TMTC4: variants seen among roughly 807,000 people sequenced by gnomAD.
TMTC4 encodes protein O-mannosyl-transferase TMTC4.
TMTC4 carries 65 observed loss-of-function variants against 86.0 expected under a neutral mutation model. The observed-to-expected ratio is 0.76, with a 90% CI of 0.62 to 0.93. The LOEUF is 0.93. Among genes scored for constraint, TMTC4 ranks in the 40% least tolerant of loss-of-function variants. The probability of loss-of-function intolerance (pLI) is 0.00; values close to 1 mark genes in which losing one functional copy is unlikely to be tolerated. For missense variants in TMTC4, 866 were observed against 948.1 expected, an observed-to-expected ratio of 0.91 and a Z score of 1.14; for synonymous variants, 379 against 382.5, an observed-to-expected ratio of 0.99 and a Z score of 0.11.
At position 100,612,476 on chromosome 13, in the gene TMTC4, C is replaced by T. The variant is rs376826499; in HGVS notation, c.1986G>A (p.Glu662=). The change falls in exon 17 of 19, where the codon GAG becomes GAA. Residue 662 remains glutamate, a synonymous_variant. Transcript: ENST00000342624. ...NLAQAEAVGR[E]ALELIPNDHS... is the part of the protein sequence containing the mutation. Reference sequence around the variant, plus strand: ...GATCATTAGGTATTAATTCCAGTGCCTCTCTTCCAACTGCTTCAGCTTGGG... The same window carrying T: ...GATCATTAGGTATTAATTCCAGTGCTTCTCTTCCAACTGCTTCAGCTTGGG... 9 of 1,611,724 alleles carry T rather than the reference C, an allele frequency of 5.6e-6. No homozygotes were observed. Among genetic ancestry groups the T allele is most frequent in the Non-Finnish European group, 6.8e-6 (8 of 1,179,298 alleles).
intron 12 of TMTC4, among the ~76,000 whole-genome samples, chr13:100,632,961 A>G (rs1024857504): frequency 6.6e-6 from 1 of 152,126 alleles, no homozygotes; most frequent in Non-Finnish European, 1.5e-5. Flanking sequence ...CCCCATTTTG[A>G]GCAAATAGCG....
chr13:100,674,591 C>T, intron 1 of TMTC4, 153 bp downstream of exon 1: 1 of 982,570 alleles, frequency 1.0e-6, no homozygotes, highest in Admixed American at 6.2e-5. Context: ...CAGCTCAGGT[C>T]CCGGAACCAA....
intron 5 of TMTC4, among the ~76,000 whole-genome samples, chr13:100,658,247 TG>T (rs1885343055): frequency 6.6e-6 from 1 of 151,692 alleles, no homozygotes; most frequent in African/African-American, 2.4e-5. Flanking sequence ...GTGGGTCCTA[TG>T]GGGTATGTCT....
chr13:100,673,964 C>T (rs1213210088), intron 1 of TMTC4: 4 of 922,522 alleles, frequency 4.3e-6, no homozygotes, highest in Non-Finnish European at 5.2e-6. Flanking sequence ...TGTGGGATGA[C>T]TCATAGTGGC....
At chr13:100,639,070 C>A (rs1307284000) in intron 7 of TMTC4, among the ~76,000 whole-genome samples, 1 of 152,198 alleles carries the variant, frequency 6.6e-6, no homozygotes, top group East Asian at 1.9e-4. Context: ...CGACAGAACT[C>A]CCTGCCCAAT....
At chr13:100,609,779 T>G (rs2153022046) in intron 17 of TMTC4, among the ~76,000 whole-genome samples, 2 of 152,170 alleles carry the variant, frequency 1.3e-5, no homozygotes. Flanking sequence ...TGTATCACCT[T>G]GTCAAGAGGG....
intron 12 of TMTC4, among the ~76,000 whole-genome samples, chr13:100,628,674 G>A (rs1168225750): frequency 1.3e-5 from 2 of 152,110 alleles, no homozygotes; most frequent in Non-Finnish European, 2.9e-5. Flanking sequence ...ATAGAATGGG[G>A]CTCCCAGCTG....
At chr13:100,673,936 C>A (rs372905888) in intron 1 of TMTC4, 1 of 748,576 alleles carries the variant, frequency 1.3e-6, no homozygotes, top group Non-Finnish European at 1.6e-6. Flanking sequence ...TATTTGCTCT[C>A]CCGGGGAAAG....
intron 6 of TMTC4, among the ~76,000 whole-genome samples, chr13:100,654,098 C>A (rs888156673): frequency 6.6e-6 from 1 of 152,166 alleles, no homozygotes; most frequent in African/African-American, 2.4e-5. Flanking sequence ...GACAAGAGGT[C>A]AACAGAAAGC....
intron 4 of TMTC4, among the ~76,000 whole-genome samples, chr13:100,663,583 C>T (rs979634352): frequency 6.6e-6 from 1 of 152,142 alleles, no homozygotes; most frequent in Admixed American, 6.5e-5. Context: ...ACTTGCTTAT[C>T]CTCCAAAAAA....
chr13:100,645,962 T>C (rs2138936474), intron 6 of TMTC4, among the ~76,000 whole-genome samples: 1 of 152,188 alleles, frequency 6.6e-6, no homozygotes, highest in Middle Eastern at 3.4e-3. Context: ...TCACAGATAT[T>C]GCCGGATGTC....
chr13:100,634,155 AG>A (rs1881854008), intron 12 of TMTC4, among the ~76,000 whole-genome samples: 1 of 151,460 alleles, frequency 6.6e-6, no homozygotes, highest in African/African-American at 2.4e-5. Context: ...AAAAAAAAAA[AG>A]GTATAATTTT....
At chr13:100,606,840 C>A (rs887486736) in intron 17 of TMTC4, among the ~76,000 whole-genome samples, 8 of 152,316 alleles carry the variant, frequency 5.3e-5, no homozygotes, top group Admixed American at 1.3e-4. Flanking sequence ...TTCCTCTCCC[C>A]CAAGAACCTA....
chr13:100,637,715 C>T lies in TMTC4; in HGVS notation c.835-13G>A, dbSNP rs3809372. On this transcript the variant is annotated splice_polypyrimidine_tract_variant and intron_variant, in intron 8 of 18. Transcript: ENST00000342624. ...GCATGCCGAGATTCTGCAAGGACAT[C>T]GCAAAGCCCCAGAGGTGGCTGATTT... The T allele has an allele frequency of 0.32, 514,114 of 1,611,874 alleles. 84,917 individuals carry two copies. The highest frequency in any genetic ancestry group is 0.4 in the Admixed American group (23,922 of 59,890).
intron 6 of TMTC4, among the ~76,000 whole-genome samples, chr13:100,651,654 T>TA (rs993301252): frequency 6.6e-6 from 1 of 152,058 alleles, no homozygotes; most frequent in Admixed American, 6.6e-5. Context: ...GTCCCATCCA[T>TA]AAAAAAAGTT....
chr13:100,619,972 C>T (rs1162255915), intron 15 of TMTC4, among the ~76,000 whole-genome samples: 2 of 152,174 alleles, frequency 1.3e-5, no homozygotes, highest in Admixed American at 1.3e-4. Context: ...ATTATTATTA[C>T]TATTTATTGA....
intron 1 of TMTC4, chr13:100,673,315 A>T (rs1887374679): frequency 8.1e-6 from 8 of 985,382 alleles, no homozygotes; most frequent in Non-Finnish European, 9.6e-6. Flanking sequence ...GACCAAACCT[A>T]AATGTTTCCC....
At chr13:100,644,075 C>G (rs1050566446) in intron 6 of TMTC4, among the ~76,000 whole-genome samples, 4 of 150,668 alleles carry the variant, frequency 2.7e-5, no homozygotes, top group Non-Finnish European at 5.9e-5. Flanking sequence ...CCAGTGCGTT[C>G]TGGCCTGGGG....
intron 15 of TMTC4, among the ~76,000 whole-genome samples, chr13:100,622,648 C>A (rs528976799): frequency 3.9e-4 from 60 of 152,270 alleles, no homozygotes; most frequent in African/African-American, 1.4e-3. Context: ...GCCTCCCCAG[C>A]CACATGGAAC....
Sources: allele counts gnomAD v4.1 joint callset (sites outside exome capture counted in the v4.1 genomes callset), GRCh38; gene constraint gnomAD v4.1.1; transcripts MANE v1.5; gene names NCBI Gene and HGNC (gene_info 2026-07-23, HGNC 2026-07-21).